The following BRINP3 variants were observed in gnomAD, a reference collection of about 807,000 sequenced individuals.
The protein encoded by BRINP3 is BMP/retinoic acid inducible neural specific 3.
In BRINP3, 19 loss-of-function variants were observed where a neutral mutation model predicts 71.0. That is an observed-to-expected ratio of 0.27 (90% confidence interval 0.19 to 0.39). The LOEUF is 0.39. BRINP3 is among the 10% of genes least tolerant of loss of function. The probability of loss-of-function intolerance (pLI) is 1.00; values close to 1 mark genes in which losing one functional copy is unlikely to be tolerated. For missense variants in BRINP3, 959 were observed against 940.8 expected (o/e 1.02, Z -0.25); for synonymous variants, 380 against 337.7 (o/e 1.13, Z -1.37).
At chr1:190,347,815 T>C (rs1668123129) in intron 2 of BRINP3, among the ~76,000 whole-genome samples, 1 of 152,128 alleles carries the variant, frequency 6.6e-6, no homozygotes, top group Non-Finnish European at 1.5e-5. Flanking sequence ...TTTCTGTTAC[T>C]TAGAACTTTT....
chr1:190,378,520 G>C lies in BRINP3; in HGVS notation c.236+76135C>G, dbSNP rs144548098. Among the ~76,000 whole-genome samples, 526 of 152,308 alleles carry C rather than the reference G, an allele frequency of 3.5e-3. 4 individuals are homozygous for C. The highest frequency in any genetic ancestry group is 0.012 in the African/African-American group (486 of 41,584). On this transcript the variant is annotated intron_variant, in intron 2 of 7. Coordinates refer to ENST00000367462, the MANE Select transcript of BRINP3 (RefSeq NM_199051.3). The stretch of plus-strand genomic sequence containing the variant: ...ACCTAGAAATAGTGTATTCCTTTGG[G>C]ATGAGAGCAGATTCGTTTTCAGACC...
intron 3 of BRINP3, among the ~76,000 whole-genome samples, chr1:190,280,665 A>G (rs1420360170): frequency 2.0e-5 from 3 of 151,934 alleles, no homozygotes; most frequent in Non-Finnish European, 2.9e-5. Flanking sequence ...GCTGCGAATC[A>G]GTCCGGCTAT....
At chr1:190,293,753 C>T (rs1208740537) in intron 2 of BRINP3, among the ~76,000 whole-genome samples, 1 of 152,094 alleles carries the variant, frequency 6.6e-6, no homozygotes, top group Non-Finnish European at 1.5e-5. Context: ...TGAATTGATG[C>T]TTTTATCATT....
At chr1:190,451,277 G>T (rs1440900485) in intron 2 of BRINP3, among the ~76,000 whole-genome samples, 10 of 152,078 alleles carry the variant, frequency 6.6e-5, no homozygotes. Flanking sequence ...GCCAGCCTCT[G>T]ACCTTAGAAC....
chr1:190,113,370 T>C (rs1652853252), intron 7 of BRINP3, among the ~76,000 whole-genome samples: 2 of 152,156 alleles, frequency 1.3e-5, no homozygotes, highest in South Asian at 4.1e-4. Context: ...CTTCAGTTTA[T>C]TATCTTTATT....
intron 2 of BRINP3, among the ~76,000 whole-genome samples, chr1:190,383,687 C>A (rs978378378): frequency 3.3e-5 from 5 of 151,822 alleles, no homozygotes; most frequent in African/African-American, 1.2e-4. Context: ...CAGTATTTCC[C>A]AGCTCTATTT....
chr1:190,339,437 CTGAGT>C (rs1667512721), intron 2 of BRINP3, among the ~76,000 whole-genome samples: 1 of 151,954 alleles, frequency 6.6e-6, no homozygotes, highest in African/African-American at 2.4e-5. Flanking sequence ...TCTCAGTTCA[CTGAGT>C]TAATGACCTA....
intron 7 of BRINP3, among the ~76,000 whole-genome samples, chr1:190,119,982 T>G (rs1653501185): frequency 6.6e-6 from 1 of 152,226 alleles, no homozygotes; most frequent in African/African-American, 2.4e-5. Context: ...AGTAAGTAGT[T>G]GAGTCCATCA....
At chr1:190,218,342 AT>A (rs1398360778) in intron 6 of BRINP3, among the ~76,000 whole-genome samples, 3 of 151,990 alleles carry the variant, frequency 2.0e-5, no homozygotes, top group Non-Finnish European at 4.4e-5. Flanking sequence ...TATTTCAGAG[AT>A]TTATTCATAT....
intron 7 of BRINP3, among the ~76,000 whole-genome samples, chr1:190,101,413 A>G (rs1231354614): frequency 6.6e-6 from 1 of 152,162 alleles, no homozygotes; most frequent in Non-Finnish European, 1.5e-5. Context: ...GCTGGTTTAT[A>G]AAATAGCTTG....
At chr1:190,308,875 A>C (rs1018034790) in intron 2 of BRINP3, among the ~76,000 whole-genome samples, 2 of 151,992 alleles carry the variant, frequency 1.3e-5, no homozygotes, top group Non-Finnish European at 2.9e-5. Flanking sequence ...TGTGGAAAAC[A>C]GTATGGCAGT....
intron 4 of BRINP3, among the ~76,000 whole-genome samples, chr1:190,259,522 A>T (rs1316748970): frequency 6.6e-6 from 1 of 151,722 alleles, no homozygotes; most frequent in Admixed American, 6.6e-5. Flanking sequence ...CCCACAGATA[A>T]CATCCTAGAT....
chr1:190,295,191 A>C (rs1040897387), intron 2 of BRINP3, among the ~76,000 whole-genome samples: 3 of 152,048 alleles, frequency 2.0e-5, no homozygotes, highest in African/African-American at 7.2e-5. Context: ...AGTAGAGAAG[A>C]GGGCCAGAAC....
chr1:190,349,945 C>T (rs1331992988), intron 2 of BRINP3, among the ~76,000 whole-genome samples: 1 of 152,004 alleles, frequency 6.6e-6, no homozygotes, highest in African/African-American at 2.4e-5. Flanking sequence ...TTTTTTAGTA[C>T]AGCACTTGTT....
intron 2 of BRINP3, among the ~76,000 whole-genome samples, chr1:190,304,821 A>T: frequency 6.6e-6 from 1 of 151,990 alleles, no homozygotes; most frequent in East Asian, 1.9e-4. Flanking sequence ...CAAAGTGAAG[A>T]GACAACCCAC....
intron 2 of BRINP3, among the ~76,000 whole-genome samples, chr1:190,346,965 GATTC>G (rs1332564916): frequency 6.6e-6 from 1 of 151,926 alleles, no homozygotes; most frequent in Admixed American, 6.6e-5. Flanking sequence ...CAATAAATAT[GATTC>G]ATTAAATCAT....
chr1:190,476,290 G>T (rs1201264592), intron 1 of BRINP3, among the ~76,000 whole-genome samples: 1 of 151,096 alleles, frequency 6.6e-6, no homozygotes, highest in East Asian at 1.9e-4. Flanking sequence ...TGAACAATAG[G>T]TTCTTACCTC....
At chr1:190,318,605 C>T (rs1666037489) in intron 2 of BRINP3, among the ~76,000 whole-genome samples, 1 of 151,954 alleles carries the variant, frequency 6.6e-6, no homozygotes, top group African/African-American at 2.4e-5. Flanking sequence ...TATAATGGGT[C>T]CCTATTTTTT....
At chr1:190,173,902 A>G (rs1274708854) in intron 6 of BRINP3, among the ~76,000 whole-genome samples, 1 of 152,110 alleles carries the variant, frequency 6.6e-6, no homozygotes, top group Admixed American at 6.6e-5. Context: ...TCTGTATTCA[A>G]TTTTCCACAG....
Sources: allele counts gnomAD v4.1 joint callset (sites outside exome capture counted in the v4.1 genomes callset), GRCh38; gene constraint gnomAD v4.1.1; transcripts MANE v1.5; gene names NCBI Gene and HGNC (gene_info 2026-07-23, HGNC 2026-07-21).